Variants in UNKL observed in about 807,000 individuals in gnomAD.
UNKL encodes the protein unk like zinc finger.
Under a neutral mutation model 78.0 loss-of-function variants are expected in UNKL, and 60 were observed. The ratio of observed to expected loss-of-function variants is 0.77; its 90% confidence interval spans 0.63 to 0.95. UNKL has a LOEUF of 0.95. UNKL is among the 40% of genes least tolerant of loss of function. The pLI is 0.00. For missense variants in UNKL, 1,159 were observed against 1,045.7 expected, an observed-to-expected ratio of 1.11 and a Z score of -1.49; for synonymous variants, 608 against 474.8, an observed-to-expected ratio of 1.28 and a Z score of -3.65.
chr16:1,375,520 C>A (rs1288220366), intron 10 of UNKL, among the ~76,000 whole-genome samples: 2 of 152,204 alleles, frequency 1.3e-5, no homozygotes, highest in African/African-American at 4.8e-5. Flanking sequence ...CAGCAGGGCC[C>A]AGGGCAGAGA....
At chr16:1,398,748 G>A (rs1267676645) in intron 5 of UNKL, 4 of 1,282,590 alleles carry the variant, frequency 3.1e-6, no homozygotes, top group South Asian at 1.2e-5. Context: ...ACAACCAGAA[G>A]GCCGGGCTGG....
rs1050739709 is a variant in UNKL, at chr16:1,365,900, T to C, written c.*340A>G. The C allele has an allele frequency of 3.9e-4, 83 of 211,878 alleles. No homozygotes were observed. The highest frequency in any genetic ancestry group is 5.0e-4 in the East Asian group (5 of 9,918). The allele number at this position is 211,878 out of a possible 1,614,324, so 13.1% of individuals were successfully genotyped here. ...GCTCCCAGTGGCCTAGTCACAGTAG[T>C]GTCAGGACCACAAACTGCTGTGATC... On this transcript the variant is annotated 3_prime_UTR_variant, in exon 15 of 15. Coordinates refer to ENST00000389221, the MANE Select transcript of UNKL (RefSeq NM_001372107.1).
At chr16:1,402,157 G>A (rs1254129572) in intron 3 of UNKL, among the ~76,000 whole-genome samples, 1 of 152,142 alleles carries the variant, frequency 6.6e-6, no homozygotes, top group East Asian at 1.9e-4. Context: ...AAGCAGCAGT[G>A]CCTCACGGCC....
intron 10 of UNKL, among the ~76,000 whole-genome samples, chr16:1,379,378 G>A (rs1394696114): frequency 6.6e-6 from 1 of 151,936 alleles, no homozygotes; most frequent in Non-Finnish European, 1.5e-5. Context: ...GCCTAGCTAG[G>A]GGACGCAGGC....
intron 5 of UNKL, chr16:1,398,927 C>T (rs1294769041): frequency 1.3e-6 from 2 of 1,553,274 alleles, no homozygotes; most frequent in Non-Finnish European, 1.7e-6. Context: ...AAGGACCCGG[C>T]GTCCCAGCTG....
chr16:1,413,243 CAAAAAAAAAAAAA>C (rs546295462), intron 2 of UNKL, among the ~76,000 whole-genome samples: 15 of 71,664 alleles, frequency 2.1e-4, no homozygotes, highest in African/African-American at 7.2e-4. Context: ...GACCCTGTCT[CAAAAAAAAAAAAA>C]AAAAAAAAAA....
At position 1,371,623 on chromosome 16, in the gene UNKL, G is replaced by A. The variant is rs1196578203; in HGVS notation, c.1265-12C>T. ...GTCTAACGCAGAACCTGTCAACAGA[G>A]CCCCCCATCATCCACAGCCCACCCA... On this transcript the variant is annotated splice_polypyrimidine_tract_variant and intron_variant, in intron 10 of 14. Transcript: ENST00000389221. The A allele has an allele frequency of 2.0e-6, 3 of 1,535,660 alleles. No individual in the cohort carries two copies. The highest frequency in any genetic ancestry group is 1.4e-5 in the African/African-American group (1 of 73,032).
rs7196340 is a variant in UNKL at position 1,391,273 on chromosome 16, C to A, written c.1024-579G>T. 1.4e-3 allele frequency among the ~76,000 whole-genome samples: 5 copies of A among 3,458 alleles called. No individual in the cohort carries two copies. In the Admixed American group the frequency reaches 0.017, roughly 12 times the overall value. The allele number at this position is 3,458 out of a possible 152,430, so 2.3% of individuals were successfully genotyped here. ...ACACACACACACACACACACACACA[C>A]ACACACACACATAAGCTCTGCTCAG... On this transcript the variant is annotated intron_variant, in intron 8 of 14. Transcript: ENST00000389221.
intron 7 of UNKL, 55 bp downstream of exon 7, chr16:1,394,076 C>A (rs2037159256): frequency 1.3e-6 from 2 of 1,517,688 alleles, no homozygotes; most frequent in Non-Finnish European, 1.8e-6. Context: ...CCAGTGAGGG[C>A]CTGCAGAGCC....
chr16:1,404,746 C>T (rs1306197999), intron 2 of UNKL, among the ~76,000 whole-genome samples: 1 of 152,176 alleles, frequency 6.6e-6, no homozygotes, highest in Non-Finnish European at 1.5e-5. Flanking sequence ...AAGGAAAGCG[C>T]GGGCTTCCAT....
intron 9 of UNKL, among the ~76,000 whole-genome samples, chr16:1,388,732 C>T (rs1436161348): frequency 6.6e-6 from 1 of 152,052 alleles, no homozygotes; most frequent in Non-Finnish European, 1.5e-5. Flanking sequence ...TTCACTAACA[C>T]CGGCACCGTT....
At chr16:1,405,007 A>C (rs112419350) in intron 2 of UNKL, among the ~76,000 whole-genome samples, 1,861 of 152,198 alleles carry the variant, frequency 0.012, 42 homozygotes, top group African/African-American at 0.041. Flanking sequence ...TAGCCTGGGC[A>C]ACATGGTGAG....
chr16:1,414,262 G>A (rs1481688895), intron 1 of UNKL, among the ~76,000 whole-genome samples: 1 of 151,712 alleles, frequency 6.6e-6, no homozygotes, highest in African/African-American at 2.4e-5. Flanking sequence ...CGCTGACCCT[G>A]GTCCCCAAGC....
rs112378427 is a variant in UNKL, at chr16:1,364,994, CTTTT to C, written c.*1242_*1245del. 7 of 140,466 alleles carry C rather than the reference CTTTT, an allele frequency of 5.0e-5. No individual in the cohort carries two copies. The highest frequency in any genetic ancestry group is 7.8e-5 in the Non-Finnish European group (5 of 64,404). The allele number at this position is 140,466 out of a possible 1,614,324, so 8.7% of individuals were successfully genotyped here. On this transcript the variant is annotated 3_prime_UTR_variant, in exon 15 of 15. Transcript: ENST00000389221. ...ACAGCTCTGAGTAATCAGAAAACAG[CTTTT>C]TTTTTTTTTTTTTGAGCCAGAGTCT... is the stretch of plus-strand genomic sequence containing the variant.
chr16:1,389,136 T>A (rs1372682975), intron 9 of UNKL, among the ~76,000 whole-genome samples: 3 of 148,298 alleles, frequency 2.0e-5, no homozygotes, highest in Non-Finnish European at 4.5e-5. Flanking sequence ...GTGAGTGGAA[T>A]CACGCAGGTT....
intron 10 of UNKL, among the ~76,000 whole-genome samples, chr16:1,379,327 TCCTGCCCCGCTCC>T (rs1249677262): frequency 4.0e-5 from 6 of 150,342 alleles, no homozygotes; most frequent in African/African-American, 9.8e-5. Flanking sequence ...CGCTCCGCTC[TCCTGCCCCGCTCC>T]CCTGCCCTCC....
At chr16:1,378,338 A>T (rs1360538666) in intron 10 of UNKL, among the ~76,000 whole-genome samples, 1 of 152,176 alleles carries the variant, frequency 6.6e-6, no homozygotes, top group African/African-American at 2.4e-5. Flanking sequence ...AGGCTCGGGA[A>T]CCTGGACCTG....
rs763944286 is a variant in UNKL at position 1,366,196 on chromosome 16, C to A, written c.*44G>T. Reference sequence around the variant, plus strand: ...GACATGTCCGTGGTCAGGAGGAGCGCTGGAGCCAGGGTGCCCAGCAGGAGG... The same window carrying A: ...GACATGTCCGTGGTCAGGAGGAGCGATGGAGCCAGGGTGCCCAGCAGGAGG... On this transcript the variant is annotated 3_prime_UTR_variant, in exon 15 of 15. Transcript: ENST00000389221. 3.0e-5 allele frequency: 44 copies of A among 1,460,856 alleles called. No individual in the cohort carries two copies. Among genetic ancestry groups the A allele is most frequent in the Non-Finnish European group, 3.5e-5 (38 of 1,097,368 alleles). The allele number at this position is 1,460,856 out of a possible 1,614,324, so 90.5% of individuals were successfully genotyped here.
chr16:1,403,897 G>A lies in UNKL; in HGVS notation c.288-553C>T, dbSNP rs931217536. Reference sequence around the variant, plus strand: ...AGAAGAGGCGGCAGATGGCGTGGTGGGGAACACAGGTGAGGTAGCATCACC... The same window carrying A: ...AGAAGAGGCGGCAGATGGCGTGGTGAGGAACACAGGTGAGGTAGCATCACC... On this transcript the variant is annotated intron_variant, in intron 2 of 14. Transcript: ENST00000389221. This position sits in a 1 kb window ranked among gnomAD's most constrained non-coding sequence, Gnocchi z 4.8. 5.3e-5 allele frequency among the ~76,000 whole-genome samples: 8 copies of A among 152,122 alleles called. No homozygotes were observed. The highest frequency in any genetic ancestry group is 8.8e-5 in the Non-Finnish European group (6 of 68,026).
Sources: allele counts gnomAD v4.1 joint callset (sites outside exome capture counted in the v4.1 genomes callset), GRCh38; gene constraint gnomAD v4.1.1; non-coding constraint Gnocchi (gnomAD v3.1); transcripts MANE v1.5; gene names NCBI Gene and HGNC (gene_info 2026-07-23, HGNC 2026-07-21).